ASAP1: variants seen among roughly 807,000 people sequenced by gnomAD.
ASAP1 encodes the protein ArfGAP with SH3 domain, ankyrin repeat and PH domain 1.
ASAP1 carries 43 observed loss-of-function variants against 145.2 expected under a neutral mutation model. The ratio of observed to expected loss-of-function variants is 0.30; its 90% CI spans 0.23 to 0.38. The LOEUF (loss-of-function observed/expected upper bound fraction) is 0.38, where lower values mean the gene tolerates loss of function less well. Among genes scored for constraint, ASAP1 ranks in the 10% least tolerant of loss-of-function variants. ASAP1 has a pLI of 1.00. For missense variants in ASAP1, 1,018 were observed against 1,355.3 expected (o/e 0.75, Z 3.91); for synonymous variants, 546 against 515.5 (o/e 1.06, Z -0.80).
intron 5 of ASAP1, among the ~76,000 whole-genome samples, chr8:130,203,403 C>T (rs62525883): frequency 6.6e-6 from 1 of 152,186 alleles, no homozygotes; most frequent in East Asian, 1.9e-4. Context: ...CTCACTAACC[C>T]GTGTTTCCCG....
chr8:130,235,490 A>G (rs1818161025), intron 4 of ASAP1, among the ~76,000 whole-genome samples: 1 of 152,044 alleles, frequency 6.6e-6, no homozygotes, highest in South Asian at 2.1e-4. Flanking sequence ...CACCTCCCCA[A>G]AGAGCTAGTA....
At position 130,126,048 on chromosome 8, in the gene ASAP1, T is replaced by G; in HGVS notation, c.1423A>C (p.Ile475Leu). ...TCCCTATGGATGCCAGAACATTCTATACAGGTCAAAATACCCAAGTTGGTT... is the reference window on the plus strand; with the variant it reads ...TCCCTATGGATGCCAGAACATTCTAGACAGGTCAAAATACCCAAGTTGGTT... Reference protein sequence around the residue: ...LSTNLGILTCIECSGIHREMG... With the variant: ...LSTNLGILTCLECSGIHREMG... The change falls in exon 17 of 30, where the codon ATA (isoleucine) becomes CTA (leucine). Residue 475 changes from isoleucine to leucine, a missense_variant. Physicochemically the swap from Ile to Leu is conservative, Grantham distance 5. Coordinates refer to ENST00000518721, the MANE Select transcript of ASAP1 (RefSeq NM_018482.4). 1 of 1,613,780 alleles carries G rather than the reference T, an allele frequency of 6.2e-7. No homozygotes were observed. Among genetic ancestry groups the G allele is most frequent in the Non-Finnish European group, 8.5e-7 (1 of 1,179,890 alleles).
At chr8:130,119,941 C>T (rs536886237) in intron 18 of ASAP1, among the ~76,000 whole-genome samples, 2 of 152,208 alleles carry the variant, frequency 1.3e-5, no homozygotes, top group Non-Finnish European at 2.9e-5. Flanking sequence ...CAAAAATATG[C>T]ATTCCACCTG....
At chr8:130,347,853 C>T (rs1332211027) in intron 3 of ASAP1, among the ~76,000 whole-genome samples, 1 of 152,240 alleles carries the variant, frequency 6.6e-6, no homozygotes, top group Non-Finnish European at 1.5e-5. Flanking sequence ...ATTCTTGCCC[C>T]TCATGTTCCA....
rs760227312 is a variant in ASAP1 at position 130,060,774 on chromosome 8, T to C, written c.2997A>G (p.Leu999=). ...AGACATCTCCAGTCTGGGATTTTGC[T>C]AGCAGGTCTCCCAGCTGTGGTTTGG... ...LPPKPQLGDL[L]AKSQTGDVSP... The change falls in exon 28 of 30, where the codon CTA becomes CTG. Residue 999 remains leucine (L), a synonymous_variant. Transcript: ENST00000518721. 1.9e-6 allele frequency: 3 copies of C among 1,614,184 alleles called. No homozygotes were observed. Among genetic ancestry groups the C allele is most frequent in the Non-Finnish European group, 1.7e-6 (2 of 1,180,026 alleles).
chr8:130,177,987 T>C (rs1232517254), intron 9 of ASAP1, among the ~76,000 whole-genome samples: 2 of 152,186 alleles, frequency 1.3e-5, no homozygotes, highest in African/African-American at 4.8e-5. Flanking sequence ...TGATTAAGAA[T>C]ACAGTTAACC....
intron 3 of ASAP1, among the ~76,000 whole-genome samples, chr8:130,276,450 C>T (rs1820885268): frequency 6.6e-6 from 1 of 152,042 alleles, no homozygotes; most frequent in Non-Finnish European, 1.5e-5. Flanking sequence ...CTACTGTAGC[C>T]AATCATGGAC....
intron 27 of ASAP1, among the ~76,000 whole-genome samples, chr8:130,075,421 A>G (rs764190105): frequency 3.3e-5 from 5 of 152,162 alleles, no homozygotes; most frequent in Admixed American, 2.6e-4. Flanking sequence ...CAGCTTCCCA[A>G]TACTAACCCC....
At chr8:130,159,231 C>A (rs895672813) in intron 12 of ASAP1, among the ~76,000 whole-genome samples, 1 of 152,080 alleles carries the variant, frequency 6.6e-6, no homozygotes, top group Non-Finnish European at 1.5e-5. Flanking sequence ...GAGCTTTTGC[C>A]AGATTGGCTA....
intron 4 of ASAP1, among the ~76,000 whole-genome samples, chr8:130,220,005 T>C (rs1466191837): frequency 6.6e-6 from 1 of 152,152 alleles, no homozygotes; most frequent in Admixed American, 6.5e-5. Context: ...CCCAGGCTCG[T>C]CTCCAACTCC....
chr8:130,390,937 C>A (rs1156642743), intron 2 of ASAP1, among the ~76,000 whole-genome samples: 4 of 146,028 alleles, frequency 2.7e-5, no homozygotes, highest in South Asian at 2.2e-4. Flanking sequence ...TATATATCCC[C>A]CGCCCCCCCA....
intron 18 of ASAP1, among the ~76,000 whole-genome samples, chr8:130,119,362 C>G (rs2097561777): frequency 2.0e-5 from 3 of 152,212 alleles, no homozygotes; most frequent in Admixed American, 2.0e-4. Flanking sequence ...CTTTCCTGCA[C>G]AGGTTCAGTA....
At chr8:130,115,573 A>T in intron 23 of ASAP1, 55 bp downstream of exon 23, 2 of 1,363,774 alleles carry the variant, frequency 1.5e-6, no homozygotes, top group South Asian at 1.2e-5. Flanking sequence ...TTGTCTACAC[A>T]GACTAGAAAA....
At chr8:130,159,085 G>A (rs1484951417) in intron 12 of ASAP1, among the ~76,000 whole-genome samples, 1 of 152,044 alleles carries the variant, frequency 6.6e-6, no homozygotes, top group Non-Finnish European at 1.5e-5. Flanking sequence ...GTGAACTGCA[G>A]AAAAAGAAGA....
chr8:130,084,533 G>C (rs1407283697), intron 25 of ASAP1: 2 of 152,236 alleles, frequency 1.3e-5, no homozygotes, highest in Non-Finnish European at 2.9e-5. Flanking sequence ...AGCTACAGGA[G>C]AAGAGTTTGT....
chr8:130,165,441 T>C (rs1378678192), intron 11 of ASAP1, among the ~76,000 whole-genome samples: 3 of 152,214 alleles, frequency 2.0e-5, no homozygotes, highest in African/African-American at 7.2e-5. Context: ...GCTCTTACAC[T>C]GAGAAATCAT....
chr8:130,162,391 CA>C (rs1288317641), intron 11 of ASAP1, among the ~76,000 whole-genome samples: 1 of 152,122 alleles, frequency 6.6e-6, no homozygotes, highest in East Asian at 1.9e-4. Flanking sequence ...GGAACTGAGG[CA>C]TGAGACAAAG....
At chr8:130,398,642 C>T (rs748887069) in intron 2 of ASAP1, among the ~76,000 whole-genome samples, 3 of 152,138 alleles carry the variant, frequency 2.0e-5, no homozygotes, top group Non-Finnish European at 4.4e-5. Context: ...GTCATAATAG[C>T]TAGAACTTAT....
chr8:130,149,605 C>T (rs1042532298), intron 13 of ASAP1, among the ~76,000 whole-genome samples: 1 of 152,174 alleles, frequency 6.6e-6, no homozygotes, highest in African/African-American at 2.4e-5. Context: ...GCAAAGGTGA[C>T]ACTGATGAGG....
Sources: allele counts gnomAD v4.1 joint callset (sites outside exome capture counted in the v4.1 genomes callset), GRCh38; gene constraint gnomAD v4.1.1; transcripts MANE v1.5; gene names NCBI Gene and HGNC (gene_info 2026-07-23, HGNC 2026-07-21).